KANSL1L: variants seen among roughly 807,000 people sequenced by gnomAD.
KANSL1L encodes KAT8 regulatory NSL complex subunit 1-like protein.
A neutral mutation model predicts 108.6 loss-of-function variants in KANSL1L; 25 were observed. The ratio of observed to expected loss-of-function variants is 0.23; its 90% CI spans 0.17 to 0.32. The LOEUF (loss-of-function observed/expected upper bound fraction) is 0.32. Ranked by LOEUF, KANSL1L falls within the 10% of genes least tolerant of loss-of-function variation. The pLI, the probability that KANSL1L is intolerant of heterozygous loss-of-function variation, is 1.00. For synonymous variants in KANSL1L, 405 were observed against 395.1 expected (o/e 1.03, Z -0.30); for missense variants, 1,137 against 1,125.7 (o/e 1.01, Z -0.14).
Position 210,153,608 on chromosome 2 carries a change from T to C in KANSL1L, c.975A>G (p.Ala325=). 2 of 1,613,870 alleles carry C rather than the reference T, an allele frequency of 1.2e-6. No individual in the cohort carries two copies. The highest frequency in any genetic ancestry group is 2.2e-5 in the East Asian group (1 of 44,870). The change falls in exon 2 of 15, where the codon GCA becomes GCG. Residue 325 remains alanine (A), a synonymous_variant. Coordinates refer to ENST00000281772, the MANE Select transcript of KANSL1L (RefSeq NM_152519.4). ...GAGACAACAGCCCTGTAGCAGAAAATGCAAATCTTTGGATTTCCGCAGCTG... is the reference window on the plus strand; with the variant it reads ...GAGACAACAGCCCTGTAGCAGAAAACGCAAATCTTTGGATTTCCGCAGCTG... The part of the protein sequence containing the change: ...RCTAAEIQRF[A]FSATGLLSHV...
At chr2:210,090,650 G>C (rs547798575) in intron 5 of KANSL1L, among the ~76,000 whole-genome samples, 1 of 152,144 alleles carries the variant, frequency 6.6e-6, no homozygotes, top group South Asian at 2.1e-4. Flanking sequence ...GAGATCCTCA[G>C]CTTCCTGAAT....
Position 210,153,735 on chromosome 2 carries a change from C to A in KANSL1L, c.848G>T (p.Gly283Val). The A allele has an allele frequency of 6.2e-7, 1 of 1,605,636 alleles. No homozygotes were observed. Among genetic ancestry groups the A allele is most frequent in the Non-Finnish European group, 8.5e-7 (1 of 1,177,064 alleles). Reference protein sequence around the residue: ...KTFHEPTTILGNSLPKCTEIK... With the variant: ...KTFHEPTTILVNSLPKCTEIK... ...TTCAGTGCATTTAGGTAAACTATTA[C>A]CCAAAATTGTGGTAGGTTCATGAAA... The change falls in exon 2 of 15, where the codon GGT becomes GTT. Residue 283 changes from glycine (G) to valine (V), a missense_variant. Around this residue, in one of 3 missense-constraint regions of KANSL1L, gnomAD observed 556 missense variants for 537.7 expected, o/e 1.03. Transcript: ENST00000281772.
chr2:210,134,465 A>G (rs2095155952), intron 2 of KANSL1L, among the ~76,000 whole-genome samples: 1 of 152,082 alleles, frequency 6.6e-6, no homozygotes, highest in South Asian at 2.1e-4. Context: ...ATAAATACAT[A>G]TTTTAAGGGT....
rs66917529 is a variant in KANSL1L, at chr2:210,171,295, GGCCGCCGCCGCCGCCGCC to G, written c.-194_-177del. 0.04 allele frequency: 6,690 copies of G among 168,828 alleles called. 271 individuals are homozygous for G. Among genetic ancestry groups the G allele is most frequent in the African/African-American group, 0.1 (4,209 of 40,978 alleles). The allele number at this position is 168,828 out of a possible 1,614,324, so 10.5% of individuals were successfully genotyped here. A position where few individuals can be genotyped will look rare whatever the true frequency, so the allele number is the denominator to read the frequency against. On this transcript the variant is annotated 5_prime_UTR_variant, in exon 1 of 15. Coordinates refer to ENST00000281772, the MANE Select transcript of KANSL1L (RefSeq NM_152519.4). ...CCAGAGCGCGCCCCGCTCCCGCCCC[GGCCGCCGCCGCCGCCGCC>G]GCCGCCGCCGCCGCCGCCGCCGCCG...
At chr2:210,137,375 A>G (rs10490030) in intron 2 of KANSL1L, among the ~76,000 whole-genome samples, 2,300 of 152,316 alleles carry the variant, frequency 0.015, 68 homozygotes, top group African/African-American at 0.053. Context: ...ATCATTTCAA[A>G]ATGCTAACAA....
At chr2:210,053,373 GAT>G (rs1377562939) in intron 6 of KANSL1L, among the ~76,000 whole-genome samples, 1 of 152,186 alleles carries the variant, frequency 6.6e-6, no homozygotes, top group Non-Finnish European at 1.5e-5. Flanking sequence ...GAGGTGGCCA[GAT>G]CATTTGAGAT....
intron 8 of KANSL1L, among the ~76,000 whole-genome samples, chr2:210,033,137 AGGAG>A (rs1201132646): frequency 6.6e-6 from 1 of 152,200 alleles, no homozygotes; most frequent in Non-Finnish European, 1.5e-5. Context: ...AAGAGTGAAA[AGGAG>A]GGAATAGTTG....
chr2:210,170,441 C>T (rs1221190071), intron 1 of KANSL1L: 2 of 952,356 alleles, frequency 2.1e-6, no homozygotes, highest in Non-Finnish European at 2.5e-6. Context: ...AAGCCAGCCT[C>T]TTTCCTTTCC....
At chr2:210,033,760 G>A (rs867146475) in intron 8 of KANSL1L, among the ~76,000 whole-genome samples, 1 of 147,394 alleles carries the variant, frequency 6.8e-6, no homozygotes, top group Non-Finnish European at 1.5e-5. Context: ...GGATGGTCTC[G>A]ATCTCCTCAC....
At chr2:210,068,130 A>C (rs1434111469) in intron 6 of KANSL1L, among the ~76,000 whole-genome samples, 1 of 151,586 alleles carries the variant, frequency 6.6e-6, no homozygotes, top group Non-Finnish European at 1.5e-5. Context: ...TCTGCCTCAG[A>C]CTCCCAAAGT....
chr2:210,117,625 T>C (rs936782780), intron 3 of KANSL1L, among the ~76,000 whole-genome samples: 12 of 152,178 alleles, frequency 7.9e-5, no homozygotes, highest in Admixed American at 7.9e-4. Context: ...AAAACTTTTA[T>C]CCTAGAATAG....
chr2:210,060,512 G>A (rs2094408247), intron 6 of KANSL1L, among the ~76,000 whole-genome samples: 1 of 152,156 alleles, frequency 6.6e-6, no homozygotes, highest in African/African-American at 2.4e-5. Context: ...AAATTATCCT[G>A]CTCAAAATAG....
At chr2:210,050,854 CCACCT>C (rs1296667826) in intron 6 of KANSL1L, among the ~76,000 whole-genome samples, 1 of 152,068 alleles carries the variant, frequency 6.6e-6, no homozygotes, top group Non-Finnish European at 1.5e-5. Context: ...AGTGATCCTC[CCACCT>C]CAGCCTCCTG....
intron 4 of KANSL1L, among the ~76,000 whole-genome samples, chr2:210,100,430 C>T (rs944628224): frequency 9.9e-5 from 15 of 152,140 alleles, no homozygotes; most frequent in Admixed American, 5.9e-4. Flanking sequence ...TTTATTAATA[C>T]TATGAATCAA....
chr2:210,138,653 AT>A (rs2095197910), intron 2 of KANSL1L, among the ~76,000 whole-genome samples: 2 of 152,226 alleles, frequency 1.3e-5, no homozygotes, highest in South Asian at 4.1e-4. Flanking sequence ...TGGTGTACAT[AT>A]TTATATATTA....
intron 5 of KANSL1L, chr2:210,096,953 A>T (rs868355584): frequency 1.9e-5 from 5 of 264,814 alleles, no homozygotes; most frequent in Non-Finnish European, 2.3e-5. Flanking sequence ...TTATTTATTT[A>T]TTTTTTTGGA....
chr2:210,134,607 G>A (rs2095157242), intron 2 of KANSL1L, among the ~76,000 whole-genome samples: 1 of 152,118 alleles, frequency 6.6e-6, no homozygotes, highest in African/African-American at 2.4e-5. Context: ...CTTTGTTAGA[G>A]CATGTGTAGA....
At chr2:210,073,656 C>T (rs1240535585) in intron 6 of KANSL1L, among the ~76,000 whole-genome samples, 2 of 152,026 alleles carry the variant, frequency 1.3e-5, no homozygotes, top group East Asian at 3.9e-4. Flanking sequence ...GCATTTGAAT[C>T]ATTACAGAAA....
In KANSL1L at chr2:210,137,502, A is replaced by G. The variant is rs567895370; in HGVS notation, c.1089-8330T>C. Among the ~76,000 whole-genome samples, 18 of 152,358 alleles carry G rather than the reference A, an allele frequency of 1.2e-4. No homozygotes were observed. In the South Asian group the frequency reaches 3.7e-3, roughly 32 times the overall value. On this transcript the variant is annotated intron_variant, in intron 2 of 14. Coordinates refer to ENST00000281772, the MANE Select transcript of KANSL1L (RefSeq NM_152519.4). ...CAAATACGTCACAAATTTACATTTT[A>G]AAATGCTGTAACAGAATGAATTACA...
Sources: gnomAD v4.1 joint callset for allele counts (sites outside exome capture counted in the v4.1 genomes callset) on GRCh38, gnomAD v4.1.1 for gene constraint, gnomAD v4.1.1 regional missense constraint, MANE v1.5 for transcripts, NCBI Gene and HGNC (gene_info 2026-07-23, HGNC 2026-07-21) for gene names.